CIB1: variants seen among roughly 807,000 people sequenced by gnomAD.
CIB1 encodes calcium and integrin binding 1.
CIB1 carries 19 observed loss-of-function variants against 25.0 expected under a neutral mutation model. The observed-to-expected ratio is 0.76, with a 90% confidence interval of 0.53 to 1.12. The LOEUF is 1.12. CIB1 is among the 50% of genes most tolerant of loss of function. CIB1 has a pLI of 0.00. For missense variants in CIB1, 236 were observed against 242.6 expected (o/e 0.97, Z 0.18); for synonymous variants, 104 against 98.5 (o/e 1.06, Z -0.33).
the CIB1 span, chr15:90,257,565 C>A: frequency 1.4e-6 from 2 of 1,405,190 alleles, no homozygotes; most frequent in Non-Finnish European, 2.0e-6. Context: ...TGGGGAGCAA[C>A]AAGGTAATGA....
At chr15:90,248,436 C>G in the CIB1 span, among the ~76,000 whole-genome samples, 11 of 151,776 alleles carry the variant, frequency 7.2e-5, no homozygotes, top group African/African-American at 2.7e-4. Flanking sequence ...TTTTTTAGGC[C>G]GAGTTCAGTG....
At chr15:90,257,359 T>C in the CIB1 span, 1 of 1,520,310 alleles carries the variant, frequency 6.6e-7, no homozygotes, top group Non-Finnish European at 8.8e-7. Context: ...GTAGAGAGGT[T>C]TGTCACTGTC....
the CIB1 span, chr15:90,241,854 CG>C: frequency 1.1e-4 from 183 of 1,614,180 alleles, no homozygotes; most frequent in African/African-American, 2.3e-3. Context: ...TCTGTGGGCC[CG>C]GAAGTCCAGC....
the CIB1 span, among the ~76,000 whole-genome samples, chr15:90,246,691 C>T: frequency 6.8e-6 from 1 of 146,408 alleles, no homozygotes; most frequent in Non-Finnish European, 1.5e-5. Context: ...AGGAGGCTGA[C>T]GCAGGAGAAT....
At chr15:90,245,291 A>G in the CIB1 span, 1 of 152,220 alleles carries the variant, frequency 6.6e-6, no homozygotes, top group Non-Finnish European at 1.5e-5. Context: ...CCTGGCCAAC[A>G]TGGTGAAACC....
the CIB1 span, chr15:90,240,995 T>C: frequency 6.2e-7 from 1 of 1,614,086 alleles, no homozygotes; most frequent in South Asian, 1.1e-5. Flanking sequence ...TTCCTGACTT[T>C]GTTTATGGGC....
the CIB1 span, chr15:90,258,377 T>C: frequency 1.0e-6 from 1 of 965,586 alleles, no homozygotes; most frequent in Non-Finnish European, 1.6e-6. Flanking sequence ...ATGGGAGATG[T>C]GAAAGCCCTG....
At chr15:90,232,801 G>A (rs2056364554) in intron 2 of CIB1, among the ~76,000 whole-genome samples, 1 of 151,332 alleles carries the variant, frequency 6.6e-6, no homozygotes, top group African/African-American at 2.5e-5. Context: ...AGCTACTCAG[G>A]AGGCTGAGGC....
At chr15:90,265,702 T>G in the CIB1 span, 1 of 1,613,208 alleles carries the variant, frequency 6.2e-7, no homozygotes, top group Non-Finnish European at 8.5e-7. Context: ...TGAAGGCTGG[T>G]TTGCGTCGAC....
the CIB1 span, among the ~76,000 whole-genome samples, chr15:90,261,083 CT>C: frequency 5.3e-3 from 753 of 140,786 alleles, 5 homozygotes; most frequent in African/African-American, 0.013. Flanking sequence ...TTCTTGTTTT[CT>C]TTTTTTTTTT....
At chr15:90,265,293 A>T in the CIB1 span, 2 of 1,215,708 alleles carry the variant, frequency 1.6e-6, no homozygotes, top group Middle Eastern at 6.7e-4. Context: ...CATCCAGGAG[A>T]CAATGAGCCC....
the CIB1 span, among the ~76,000 whole-genome samples, chr15:90,252,593 A>G: frequency 3.3e-5 from 5 of 152,320 alleles, no homozygotes; most frequent in Non-Finnish European, 7.4e-5. Flanking sequence ...TCCTTCCCCT[A>G]ATATTCCCTC....
chr15:90,265,547 A>C, the CIB1 span: 1 of 1,389,448 alleles, frequency 7.2e-7, no homozygotes, highest in South Asian at 1.5e-5. Context: ...ACAGGCAGAA[A>C]GGGTGGGCCA....
At chr15:90,231,982 C>G (rs926790791) in intron 3 of CIB1, among the ~76,000 whole-genome samples, 3 of 152,244 alleles carry the variant, frequency 2.0e-5, no homozygotes, top group Non-Finnish European at 4.4e-5. Flanking sequence ...AGGGACAAAA[C>G]TTCTTTGAAC....
At chr15:90,254,269 C>T in the CIB1 span, among the ~76,000 whole-genome samples, 40,844 of 149,056 alleles carry the variant, frequency 0.27, 6,475 homozygotes, top group East Asian at 0.69. Flanking sequence ...CCGAGGCGGG[C>T]GGATCATGAG....
In CIB1 at chr15:90,230,453, CAG is replaced by C; in HGVS notation, c.*29_*30del. ...GCTCAGCAGTAGAAAGGTTCTTGGACAGGGTGCCAGGACACACGCTGGGGCTG... is the reference window on the plus strand; with the variant it reads ...GCTCAGCAGTAGAAAGGTTCTTGGACGGTGCCAGGACACACGCTGGGGCTG... On this transcript the variant is annotated 3_prime_UTR_variant, in exon 7 of 7. Coordinates refer to ENST00000328649, the MANE Select transcript of CIB1 (RefSeq NM_006384.4). 1 of 1,551,304 alleles carries C rather than the reference CAG, an allele frequency of 6.4e-7. No homozygotes were observed. The highest frequency in any genetic ancestry group is 8.7e-7 in the Non-Finnish European group (1 of 1,146,836).
chr15:90,241,355 G>C, the CIB1 span: 18 of 1,614,196 alleles, frequency 1.1e-5, no homozygotes, highest in Non-Finnish European at 1.4e-5. Flanking sequence ...GGACTCTGCT[G>C]CAAGAAGACA....
chr15:90,250,066 TCC>T, the CIB1 span, among the ~76,000 whole-genome samples: 65 of 151,866 alleles, frequency 4.3e-4, no homozygotes, highest in African/African-American at 1.5e-3. Context: ...CAAGTGATTC[TCC>T]TCCCTCAGCC....
chr15:90,256,314 G>A, the CIB1 span: 1 of 1,613,956 alleles, frequency 6.2e-7, no homozygotes, highest in Non-Finnish European at 8.5e-7. Flanking sequence ...GATGCCTCAG[G>A]ACCATCAGCC....
Sources: allele counts gnomAD v4.1 joint callset (sites outside exome capture counted in the v4.1 genomes callset), GRCh38; gene constraint gnomAD v4.1.1; transcripts MANE v1.5; gene names NCBI Gene and HGNC (gene_info 2026-07-23, HGNC 2026-07-21).